Variants in UBASH3B observed in about 807,000 individuals in gnomAD.
UBASH3B encodes the protein ubiquitin associated and SH3 domain containing B.
Under a neutral mutation model 83.4 loss-of-function variants are expected in UBASH3B, and 37 were observed. The ratio of observed to expected loss-of-function variants is 0.44; its 90% confidence interval spans 0.34 to 0.58. The LOEUF is 0.58. Among genes scored for constraint, UBASH3B ranks in the 20% least tolerant of loss-of-function variants. UBASH3B has a pLI of 0.01. For synonymous variants in UBASH3B, 304 were observed against 318.3 expected, an observed-to-expected ratio of 0.96 and a Z score of 0.48; for missense variants, 657 against 827.2, an observed-to-expected ratio of 0.79 and a Z score of 2.52.
At chr11:122,770,325 C>T (rs1860620589) in intron 1 of UBASH3B, among the ~76,000 whole-genome samples, 1 of 152,172 alleles carries the variant, frequency 6.6e-6, no homozygotes, top group South Asian at 2.1e-4. Context: ...CTTTTTACTG[C>T]AGGTGTCAGA....
chr11:122,688,236 T>C lies in UBASH3B; in HGVS notation c.161+32026T>C, dbSNP rs571620556. Among the ~76,000 whole-genome samples, 37 of 152,108 alleles carry C rather than the reference T, an allele frequency of 2.4e-4. 1 individual carries two copies. In the South Asian group the frequency reaches 7.7e-3, roughly 32 times the overall value. On this transcript the variant is annotated intron_variant, in intron 1 of 13. Transcript: ENST00000284273. ...GGATGGGAGTTTGCCTTTCTTTTTC[T>C]TTCTTTCTTTCTTCCTTCCCTTCCT...
rs935961025 is a variant in UBASH3B at position 122,810,354 on chromosome 11, C to CT, written c.*472dup. 1 of 153,750 alleles carries CT rather than the reference C, an allele frequency of 6.5e-6. No individual in the cohort carries two copies. Among genetic ancestry groups the CT allele is most frequent in the Non-Finnish European group, 1.4e-5 (1 of 69,082 alleles). 9.5% of individuals were successfully genotyped at this position (153,750 alleles called of 1,614,324 possible). A position where few individuals can be genotyped will look rare whatever the true frequency, so the allele number is the denominator to read the frequency against. Reference sequence around the variant, plus strand: ...TTAGGTAGAGCCAAGCTGAGGAATCCTTTTAAGATTATTAGAAAACATGCC... The same window carrying CT: ...TTAGGTAGAGCCAAGCTGAGGAATCCTTTTTAAGATTATTAGAAAACATGCC... On this transcript the variant is annotated 3_prime_UTR_variant, in exon 14 of 14. Transcript: ENST00000284273.
intron 1 of UBASH3B, among the ~76,000 whole-genome samples, chr11:122,693,563 T>G (rs1484995552): frequency 6.6e-6 from 1 of 152,092 alleles, no homozygotes; most frequent in Non-Finnish European, 1.5e-5. Flanking sequence ...AAAATAAGCC[T>G]GTAAATGAGG....
chr11:122,761,105 G>C (rs1861363822), intron 1 of UBASH3B, among the ~76,000 whole-genome samples: 1 of 152,180 alleles, frequency 6.6e-6, no homozygotes, highest in Non-Finnish European at 1.5e-5. Context: ...ATCTTCACGA[G>C]AGTGTCAGTT....
At chr11:122,658,878 C>T (rs922374821) in intron 1 of UBASH3B, among the ~76,000 whole-genome samples, 4 of 152,192 alleles carry the variant, frequency 2.6e-5, no homozygotes, top group Non-Finnish European at 5.9e-5. Context: ...TTTATTCTCT[C>T]ACAATTGTAG....
rs929849983 is a variant in UBASH3B, at chr11:122,796,376, T to C, written c.1234+100T>C. On this transcript the variant is annotated intron_variant, in intron 8 of 13. Transcript: ENST00000284273. Reference sequence around the variant, plus strand: ...ATCTAGATGGAGTCATTCATAGTTTTGCGTACTATAGAAGATGTCTGTCAT... The same window carrying C: ...ATCTAGATGGAGTCATTCATAGTTTCGCGTACTATAGAAGATGTCTGTCAT... 13 of 1,526,932 alleles carry C rather than the reference T, an allele frequency of 8.5e-6. No homozygotes were observed. In the African/African-American group the frequency reaches 1.7e-4, roughly 19 times the overall value. The allele number at this position is 1,526,932 out of a possible 1,614,324, so 94.6% of individuals were successfully genotyped here.
chr11:122,664,395 G>C (rs1470228132), intron 1 of UBASH3B, among the ~76,000 whole-genome samples: 4 of 152,064 alleles, frequency 2.6e-5, no homozygotes, highest in African/African-American at 9.7e-5. Context: ...GACAGACTCA[G>C]CCAAGCAGAA....
intron 1 of UBASH3B, among the ~76,000 whole-genome samples, chr11:122,676,306 G>A (rs1415637560): frequency 6.6e-6 from 1 of 152,076 alleles, no homozygotes; most frequent in Non-Finnish European, 1.5e-5. Context: ...TTGGGAGGCC[G>A]AGGCAGGTGG....
At chr11:122,786,695 TAAAAC>T (rs1860959719) in intron 5 of UBASH3B, among the ~76,000 whole-genome samples, 1 of 152,076 alleles carries the variant, frequency 6.6e-6, no homozygotes, top group Admixed American at 6.5e-5. Context: ...ATGGCAAACA[TAAAAC>T]AAAAGAATAA....
rs943639408 is a variant in UBASH3B at position 122,788,990 on chromosome 11, A to G, written c.772-110A>G. The G allele has an allele frequency of 1.6e-5, 16 of 1,012,234 alleles. No individual in the cohort carries two copies. The Admixed American group carries it at 2.4e-4, about 15-fold the overall frequency. 62.7% of individuals were successfully genotyped at this position (1,012,234 alleles called of 1,614,324 possible). ...GCAGACCCCAAGGGCTCCTGGGCAC[A>G]TCGCCCTCTGGAGGTGTGCAGTATT... On this transcript the variant is annotated intron_variant, in intron 5 of 13. Coordinates refer to ENST00000284273, the MANE Select transcript of UBASH3B (RefSeq NM_032873.5).
At chr11:122,802,434 T>A (rs1243490544) in intron 11 of UBASH3B, among the ~76,000 whole-genome samples, 2 of 151,896 alleles carry the variant, frequency 1.3e-5, no homozygotes, top group Admixed American at 1.3e-4. Context: ...ACCATTATAA[T>A]GGGGAATTAA....
intron 1 of UBASH3B, among the ~76,000 whole-genome samples, chr11:122,735,037 C>T (rs138534439): frequency 6.6e-6 from 1 of 152,068 alleles, no homozygotes; most frequent in Non-Finnish European, 1.5e-5. Context: ...GAGGCCAGTA[C>T]TTTTTCTGCA....
At chr11:122,808,558 G>A (rs960850736) in intron 13 of UBASH3B, among the ~76,000 whole-genome samples, 1 of 152,198 alleles carries the variant, frequency 6.6e-6, no homozygotes, top group Non-Finnish European at 1.5e-5. Flanking sequence ...GGTCCTTGAA[G>A]GTAGGCCGAG....
chr11:122,799,411 C>T (rs1166933107), intron 10 of UBASH3B, among the ~76,000 whole-genome samples: 4 of 149,984 alleles, frequency 2.7e-5, no homozygotes, highest in Admixed American at 1.3e-4. Flanking sequence ...TGCTTGAACC[C>T]GGGAGGCGGA....
At chr11:122,675,220 A>G (rs1863652133) in intron 1 of UBASH3B, among the ~76,000 whole-genome samples, 1 of 152,200 alleles carries the variant, frequency 6.6e-6, no homozygotes, top group Non-Finnish European at 1.5e-5. Flanking sequence ...TCACAGCTTT[A>G]AACTTGCACA....
At chr11:122,756,533 A>G (rs968343707) in intron 1 of UBASH3B, among the ~76,000 whole-genome samples, 2 of 152,096 alleles carry the variant, frequency 1.3e-5, no homozygotes, top group African/African-American at 4.8e-5. Context: ...GGAAGGGGCC[A>G]TTTCTGCCTC....
At chr11:122,690,332 C>A (rs1863879141) in intron 1 of UBASH3B, among the ~76,000 whole-genome samples, 1 of 144,438 alleles carries the variant, frequency 6.9e-6, no homozygotes, top group Admixed American at 7.0e-5. Flanking sequence ...AATGAGGATT[C>A]TATATTATAA....
chr11:122,672,417 T>C (rs1863609061), intron 1 of UBASH3B, among the ~76,000 whole-genome samples: 2 of 152,044 alleles, frequency 1.3e-5, no homozygotes, highest in African/African-American at 4.8e-5. Flanking sequence ...CCTCCCGGAT[T>C]CAAGCGATTC....
intron 1 of UBASH3B, among the ~76,000 whole-genome samples, chr11:122,756,250 GACT>G (rs1861281226): frequency 6.6e-6 from 1 of 152,194 alleles, no homozygotes; most frequent in South Asian, 2.1e-4. Flanking sequence ...ATGTGAAACT[GACT>G]ACATCTCGAT....
Sources: allele counts gnomAD v4.1 joint callset (sites outside exome capture counted in the v4.1 genomes callset), GRCh38; gene constraint gnomAD v4.1.1; transcripts MANE v1.5; gene names NCBI Gene and HGNC (gene_info 2026-07-23, HGNC 2026-07-21).